The following NPR3 variants were observed in gnomAD, a reference collection of about 807,000 sequenced individuals.
The protein encoded by NPR3 is natriuretic peptide receptor 3, also known as atrial natriuretic peptide receptor 3.
In NPR3, 34 loss-of-function variants were observed where a neutral mutation model predicts 54.5. The observed-to-expected ratio is 0.62, with a 90% CI of 0.47 to 0.83. The LOEUF (loss-of-function observed/expected upper bound fraction) is 0.83, where lower values mean the gene tolerates loss of function less well. NPR3 is among the 40% of genes least tolerant of loss of function. The pLI is 0.00. For missense variants in NPR3, 674 were observed against 720.8 expected (o/e 0.94, Z 0.74); for synonymous variants, 289 against 297.1 (o/e 0.97, Z 0.28).
At chr5:32,757,780 T>C (rs1162779236) in intron 3 of NPR3, among the ~76,000 whole-genome samples, 1 of 152,244 alleles carries the variant, frequency 6.6e-6, no homozygotes, top group Non-Finnish European at 1.5e-5. Flanking sequence ...GTCCCATCAA[T>C]ACCTAATTTA....
intron 1 of NPR3, among the ~76,000 whole-genome samples, chr5:32,703,891 A>T (rs1023350228): frequency 3.3e-5 from 5 of 152,210 alleles, no homozygotes; most frequent in Non-Finnish European, 7.3e-5. Context: ...TGTCCCCCAC[A>T]TCCACTGGCT....
upstream of NPR3, chr5:32,710,497 T>C (rs536414538): frequency 1.3e-4 from 94 of 699,298 alleles, no homozygotes; most frequent in Admixed American, 2.1e-3. Context: ...TTCACTTTCC[T>C]GCTCTCAGTG....
intron 1 of NPR3, among the ~76,000 whole-genome samples, chr5:32,717,151 G>A (rs28796430): frequency 0.037 from 5,635 of 152,180 alleles, 381 homozygotes; most frequent in African/African-American, 0.13. Context: ...ATGGTTTCCA[G>A]CTTCATCCAT....
intron 2 of NPR3, among the ~76,000 whole-genome samples, chr5:32,736,629 G>A (rs73758306): frequency 0.054 from 8,162 of 152,238 alleles, 327 homozygotes; most frequent in African/African-American, 0.12. Context: ...CTTAGAATTT[G>A]GGGTCTTCCT....
rs544072627 is a variant in NPR3, at chr5:32,697,239, A to T, written c.100+8053A>T. On this transcript the variant is annotated intron_variant, in intron 1 of 5. Transcript: ENST00000509104. ...TTTTTCAGCATCAATTGAAATGATCATATGGTTTTTGTCCTTCATTCTGTT... is the reference window on the plus strand; with the variant it reads ...TTTTTCAGCATCAATTGAAATGATCTTATGGTTTTTGTCCTTCATTCTGTT... Among the ~76,000 whole-genome samples the T allele has an allele frequency of 2.0e-4, 31 of 152,254 alleles. No individual in the cohort carries two copies. In the South Asian group the frequency reaches 6.4e-3, roughly 32 times the overall value.
chr5:32,776,037 C>A (rs537555709), intron 4 of NPR3, among the ~76,000 whole-genome samples: 1 of 152,308 alleles, frequency 6.6e-6, no homozygotes, highest in East Asian at 1.9e-4. Context: ...CCAACCTAGT[C>A]CCCTCTCCCC....
At chr5:32,691,345 T>C (rs887952290) in intron 1 of NPR3, among the ~76,000 whole-genome samples, 2 of 152,248 alleles carry the variant, frequency 1.3e-5, no homozygotes, top group African/African-American at 4.8e-5. Flanking sequence ...GGCACAATAC[T>C]GGGATTTTAC....
chr5:32,710,584 A>AG, upstream of NPR3: 3 of 1,385,210 alleles, frequency 2.2e-6, no homozygotes, highest in Non-Finnish European at 2.8e-6. Context: ...TGCGTGGCCC[A>AG]GGGGGAGGGG....
At chr5:32,715,537 C>CT (rs200747583) in intron 1 of NPR3, among the ~76,000 whole-genome samples, 5 of 151,464 alleles carry the variant, frequency 3.3e-5, no homozygotes, top group African/African-American at 4.9e-5. Context: ...AATTTAAAAT[C>CT]TTTTTTTTTC....
chr5:32,785,017 T>C, intron 7 of NPR3, 134 bp downstream of exon 7: 1 of 751,588 alleles, frequency 1.3e-6, no homozygotes, highest in East Asian at 2.8e-5. Flanking sequence ...ATCTCAGCCA[T>C]TCTTTTGGCA....
At chr5:32,707,600 C>A (rs1738029933), upstream of NPR3, among the ~76,000 whole-genome samples, 1 of 152,198 alleles carries the variant, frequency 6.6e-6, no homozygotes, top group African/African-American at 2.4e-5. Context: ...AGTGTGTTTT[C>A]AACAATTCTG....
Position 32,711,584 on chromosome 5 carries a change from A to T in NPR3, c.-193A>T. On this transcript the variant is annotated 5_prime_UTR_variant, in exon 1 of 8. Transcript: ENST00000265074. ...TCTTTTTCTTTTTTTTTTAAGAAAAACTAGTGACATTGCAGAGAAGGACGC... is the reference window on the plus strand; with the variant it reads ...TCTTTTTCTTTTTTTTTTAAGAAAATCTAGTGACATTGCAGAGAAGGACGC... The T allele has an allele frequency of 8.1e-7, 1 of 1,235,946 alleles. No homozygotes were observed. The highest frequency in any genetic ancestry group is 1.0e-6 in the Non-Finnish European group (1 of 992,958). The allele number at this position is 1,235,946 out of a possible 1,614,324, so 76.6% of individuals were successfully genotyped here.
intron 1 of NPR3, among the ~76,000 whole-genome samples, chr5:32,715,657 C>G (rs994742206): frequency 4.6e-5 from 7 of 152,112 alleles, no homozygotes. Context: ...CCAGCTACTG[C>G]CCTCAATATT....
intron 6 of NPR3, among the ~76,000 whole-genome samples, chr5:32,783,837 G>A (rs1742461925): frequency 6.6e-6 from 1 of 152,140 alleles, no homozygotes; most frequent in African/African-American, 2.4e-5. Context: ...TTTCCAATGT[G>A]TGAAGAGAAA....
In NPR3 at chr5:32,789,919, C is replaced by G. The variant is rs1039873645; in HGVS notation, c.*3574C>G. 6.2e-5 allele frequency: 23 copies of G among 369,700 alleles called. No individual in the cohort carries two copies. The highest frequency in any genetic ancestry group is 1.9e-4 in the Admixed American group (5 of 26,528). 22.9% of individuals were successfully genotyped at this position (369,700 alleles called of 1,614,324 possible). On this transcript the variant is annotated 3_prime_UTR_variant, in exon 8 of 8. Coordinates refer to ENST00000265074, the MANE Select transcript of NPR3 (RefSeq NM_001204375.2). ...GTGAGTGTTTATAAACTGGAAGGAA[C>G]AAGTACCTGTGTTTCTTGGGACACA... is the stretch of plus-strand genomic sequence containing the variant.
At chr5:32,713,467 G>A (rs1313173983) in intron 1 of NPR3, 1 of 985,260 alleles carries the variant, frequency 1.0e-6, no homozygotes, top group Non-Finnish European at 1.2e-6. Flanking sequence ...GGCGGACTGA[G>A]ATGCCGGTAT....
upstream of NPR3, chr5:32,710,565 G>T: frequency 7.4e-7 from 1 of 1,351,774 alleles, no homozygotes; most frequent in Non-Finnish European, 9.6e-7. Context: ...TGCGATTCCA[G>T]CGCAAACCTG....
intron 1 of NPR3, among the ~76,000 whole-genome samples, chr5:32,697,792 T>C (rs1460402982): frequency 6.6e-6 from 1 of 152,182 alleles, no homozygotes; most frequent in African/African-American, 2.4e-5. Context: ...CTGCTTATAG[T>C]AGCCTCTAAT....
At chr5:32,771,070 A>AT (rs1579690057) in intron 3 of NPR3, among the ~76,000 whole-genome samples, 1 of 144,418 alleles carries the variant, frequency 6.9e-6, no homozygotes, top group African/African-American at 2.6e-5. Context: ...TTTCTCCCTT[A>AT]TTTTTTTCTT....
Sources: allele counts gnomAD v4.1 joint callset (sites outside exome capture counted in the v4.1 genomes callset), GRCh38; gene constraint gnomAD v4.1.1; transcripts MANE v1.5; gene names NCBI Gene and HGNC (gene_info 2026-07-23, HGNC 2026-07-21).